Variants in FAM171A1 observed in about 807,000 individuals in gnomAD.
FAM171A1 encodes the protein family with sequence similarity 171 member A1, also known as protein FAM171A1.
A neutral mutation model predicts 74.9 loss-of-function variants in FAM171A1; 23 were observed. That is an observed-to-expected ratio of 0.31 (90% CI 0.22 to 0.44). FAM171A1 has a LOEUF of 0.44. Ranked by LOEUF, FAM171A1 falls within the 20% of genes least tolerant of loss-of-function variation. The pLI, the probability that FAM171A1 is intolerant of heterozygous loss-of-function variation, is 1.00. For synonymous variants in FAM171A1, 527 were observed against 505.7 expected, an observed-to-expected ratio of 1.04 and a Z score of -0.57; for missense variants, 1,162 against 1,159.2, an observed-to-expected ratio of 1.00 and a Z score of -0.03.
intron 6 of FAM171A1, among the ~76,000 whole-genome samples, chr10:15,218,992 G>C (rs1834001725): frequency 6.6e-6 from 1 of 152,104 alleles, no homozygotes; most frequent in African/African-American, 2.4e-5. Flanking sequence ...CCTTACAAAA[G>C]CATATACTGG....
chr10:15,246,983 T>C (rs1209562770), intron 5 of FAM171A1, among the ~76,000 whole-genome samples: 3 of 152,256 alleles, frequency 2.0e-5, no homozygotes, highest in African/African-American at 4.8e-5. Flanking sequence ...AAATATGTTT[T>C]AAAAGTTTTA....
chr10:15,336,924 T>C (rs1331398230), intron 1 of FAM171A1, among the ~76,000 whole-genome samples: 1 of 151,848 alleles, frequency 6.6e-6, no homozygotes, highest in Admixed American at 6.6e-5. Flanking sequence ...TGAGACAGGC[T>C]CTTGCCCTGC....
chr10:15,335,324 G>A (rs1369750770), intron 1 of FAM171A1, among the ~76,000 whole-genome samples: 1 of 152,140 alleles, frequency 6.6e-6, no homozygotes, highest in Non-Finnish European at 1.5e-5. Context: ...GTGATAAGAA[G>A]TCAACACACA....
intron 5 of FAM171A1, among the ~76,000 whole-genome samples, chr10:15,230,357 T>C (rs1247281651): frequency 6.6e-6 from 1 of 152,212 alleles, no homozygotes; most frequent in Non-Finnish European, 1.5e-5. Context: ...ATTTGCCCGG[T>C]GGTCAATTAT....
intron 1 of FAM171A1, among the ~76,000 whole-genome samples, chr10:15,347,502 T>C (rs919717606): frequency 2.0e-5 from 3 of 152,178 alleles, no homozygotes; most frequent in African/African-American, 7.2e-5. Context: ...TACAATATTT[T>C]TATTGTTATG....
chr10:15,269,621 G>C (rs1454333631), intron 3 of FAM171A1, among the ~76,000 whole-genome samples: 1 of 152,176 alleles, frequency 6.6e-6, no homozygotes, highest in African/African-American at 2.4e-5. Flanking sequence ...GGGCAAGAGA[G>C]AGGATAAAGC....
intron 5 of FAM171A1, chr10:15,237,403 T>A (rs1834305779): frequency 6.6e-6 from 1 of 152,182 alleles, no homozygotes; most frequent in Non-Finnish European, 1.5e-5. Context: ...ACAAAAGGCT[T>A]AATGATTCCT....
chr10:15,224,171 T>G (rs755311806), intron 5 of FAM171A1, among the ~76,000 whole-genome samples: 1 of 151,906 alleles, frequency 6.6e-6, no homozygotes, highest in African/African-American at 2.4e-5. Context: ...AGGCAGGGGT[T>G]GTCAGTGATG....
upstream of FAM171A1, among the ~76,000 whole-genome samples, chr10:15,372,126 G>A (rs1836157158): frequency 6.6e-6 from 1 of 152,132 alleles, no homozygotes; most frequent in Non-Finnish European, 1.5e-5. Flanking sequence ...ACTTAGCAGG[G>A]TTCTTCCTGA....
At chr10:15,307,130 C>T (rs973171997) in intron 1 of FAM171A1, among the ~76,000 whole-genome samples, 2 of 152,186 alleles carry the variant, frequency 1.3e-5, no homozygotes, top group African/African-American at 4.8e-5. Context: ...ACCATCAGCC[C>T]ACCCGCAAGA....
chr10:15,278,106 T>C (rs964808235), intron 2 of FAM171A1, among the ~76,000 whole-genome samples: 5 of 152,166 alleles, frequency 3.3e-5, no homozygotes, highest in Non-Finnish European at 7.3e-5. Context: ...TGGCCGTGGA[T>C]GTGACCTCTT....
intron 3 of FAM171A1, among the ~76,000 whole-genome samples, chr10:15,255,589 G>A (rs1218983775): frequency 1.3e-5 from 2 of 152,070 alleles, no homozygotes; most frequent in Non-Finnish European, 1.5e-5. Context: ...ACAGGCCCTA[G>A]ACAGTTGGTT....
At chr10:15,355,690 G>A (rs1406635947) in intron 1 of FAM171A1, among the ~76,000 whole-genome samples, 2 of 151,934 alleles carry the variant, frequency 1.3e-5, no homozygotes, top group African/African-American at 4.8e-5. Context: ...ACTTCAGCCT[G>A]GGCGACAGAG....
chr10:15,364,922 C>T (rs550975403), intron 1 of FAM171A1, among the ~76,000 whole-genome samples: 9 of 152,282 alleles, frequency 5.9e-5, no homozygotes, highest in Middle Eastern at 6.8e-3. Flanking sequence ...ATGGGCCCAG[C>T]TGGATGATAA....
intron 3 of FAM171A1, among the ~76,000 whole-genome samples, chr10:15,269,616 A>G (rs1053035002): frequency 1.3e-5 from 2 of 152,138 alleles, no homozygotes; most frequent in African/African-American, 4.8e-5. Flanking sequence ...TAAGAGGGCA[A>G]GAGAGAGGAT....
intron 4 of FAM171A1, among the ~76,000 whole-genome samples, chr10:15,252,256 C>A (rs1241050918): frequency 6.6e-6 from 1 of 152,204 alleles, no homozygotes; most frequent in Non-Finnish European, 1.5e-5. Flanking sequence ...CACTTACTTA[C>A]AACTCTGGAT....
chr10:15,296,887 A>G (rs1318061903), intron 1 of FAM171A1, among the ~76,000 whole-genome samples: 1 of 152,158 alleles, frequency 6.6e-6, no homozygotes, highest in Admixed American at 6.5e-5. Flanking sequence ...GTGTTCTATC[A>G]TCTCAGGCAA....
chr10:15,303,914 T>C (rs1914546), intron 1 of FAM171A1, among the ~76,000 whole-genome samples: 115,409 of 152,182 alleles, frequency 0.76, 43,872 homozygotes, highest in East Asian at 0.92. Flanking sequence ...AGTCCTAGGA[T>C]GGCCCATTGC....
chr10:15,268,122 C>G (rs963978292), intron 3 of FAM171A1, among the ~76,000 whole-genome samples: 2 of 152,106 alleles, frequency 1.3e-5, no homozygotes, highest in Admixed American at 6.5e-5. Flanking sequence ...CCTTCCTTAC[C>G]AGGGAGGACC....
Sources: allele counts gnomAD v4.1 joint callset (sites outside exome capture counted in the v4.1 genomes callset), GRCh38; gene constraint gnomAD v4.1.1; transcripts MANE v1.5; gene names NCBI Gene and HGNC (gene_info 2026-07-23, HGNC 2026-07-21).